The following PHF19 variants were observed in gnomAD, a reference collection of about 807,000 sequenced individuals.
PHF19 encodes PHD finger protein 19, also known as polycomb like 3.
In PHF19, 21 loss-of-function variants were observed where a neutral mutation model predicts 79.8. The ratio of observed to expected loss-of-function variants is 0.26; its 90% CI spans 0.19 to 0.38. PHF19 has a LOEUF of 0.38. PHF19 is among the 10% of genes least tolerant of loss of function. PHF19 has a pLI of 1.00. For synonymous variants in PHF19, 273 were observed against 296.3 expected, an observed-to-expected ratio of 0.92 and a Z score of 0.81; for missense variants, 445 against 744.2, an observed-to-expected ratio of 0.60 and a Z score of 4.68.
upstream of PHF19, among the ~76,000 whole-genome samples, chr9:120,897,038 G>C (rs1175231558): frequency 1.3e-5 from 2 of 152,238 alleles, no homozygotes; most frequent in African/African-American, 4.8e-5. Flanking sequence ...AAGCCCCAGC[G>C]CTGCCACCTC....
chr9:120,861,714 C>T (rs907874103), intron 12 of PHF19, among the ~76,000 whole-genome samples: 1 of 152,092 alleles, frequency 6.6e-6, no homozygotes, highest in Non-Finnish European at 1.5e-5. Context: ...TGCCTTTGCC[C>T]CCCAACTTTG....
chr9:120,858,187 C>A lies in PHF19; in HGVS notation c.1500G>T (p.Ser500=). Residue 500 remains serine, a synonymous_variant, in exon 15 of 15, where the codon TCG becomes TCT. Transcript: ENST00000373896. The part of the protein sequence containing the change: ...WAAELDGRCP[S]DSSAEGASVP... ...CTGAAGCCCCCTCTGCACTGCTGTC[C>A]GAGGGGCAGCGTCCATCCAGCTCAG... 1 of 1,600,508 alleles carries A rather than the reference C, an allele frequency of 6.2e-7. No individual in the cohort carries two copies.
At chr9:120,883,118 G>A (rs1428294160) in intron 1 of PHF19, among the ~76,000 whole-genome samples, 1 of 152,146 alleles carries the variant, frequency 6.6e-6, no homozygotes, top group Non-Finnish European at 1.5e-5. Flanking sequence ...GCATGCCTGT[G>A]GCCTTGGTTA....
At chr9:120,884,209 CAG>C (rs1203796989) in intron 1 of PHF19, among the ~76,000 whole-genome samples, 1 of 144,670 alleles carries the variant, frequency 6.9e-6, no homozygotes, top group Non-Finnish European at 1.5e-5. Flanking sequence ...ATGATTAAAA[CAG>C]TGTGATCATA....
At chr9:120,885,414 C>A (rs1402118026) in intron 1 of PHF19, among the ~76,000 whole-genome samples, 2 of 152,012 alleles carry the variant, frequency 1.3e-5, no homozygotes, top group Non-Finnish European at 1.5e-5. Context: ...CTCGTCTCTA[C>A]TAAAAGTACA....
In PHF19 at chr9:120,860,867, A is replaced by C. The variant is rs2045500297; in HGVS notation, c.1304+222T>G. ...CAAAGATGAGCAAGCATCAAACAGC[A>C]TGGTGAGTGTGGATAACCATGGGGC... is the stretch of plus-strand genomic sequence containing the variant. On this transcript the variant is annotated intron_variant, in intron 13 of 14. Transcript: ENST00000373896. The surrounding 1 kb of genome is among the most constrained non-coding windows in gnomAD (Gnocchi z 4.1). 1 of 518,736 alleles carries C rather than the reference A, an allele frequency of 1.9e-6. No homozygotes were observed. The highest frequency in any genetic ancestry group is 3.1e-5 in the Admixed American group (1 of 31,958). 32.1% of individuals were successfully genotyped at this position (518,736 alleles called of 1,614,324 possible).
intron 1 of PHF19, among the ~76,000 whole-genome samples, chr9:120,890,635 C>G (rs1161330705): frequency 6.6e-6 from 1 of 152,136 alleles, no homozygotes; most frequent in Non-Finnish European, 1.5e-5. Flanking sequence ...TTAACACACG[C>G]AATCTTTGAT....
chr9:120,872,404 G>T (rs902351908), intron 3 of PHF19, among the ~76,000 whole-genome samples: 4 of 152,254 alleles, frequency 2.6e-5, no homozygotes, highest in African/African-American at 9.6e-5. Context: ...CCTGGTATGT[G>T]GTGGGCCTCC....
chr9:120,901,948 G>T, the PHF19 span, among the ~76,000 whole-genome samples: 13 of 152,308 alleles, frequency 8.5e-5, no homozygotes, highest in East Asian at 5.8e-4. Flanking sequence ...TGGAACCTCC[G>T]GGGGCAAGGC....
At chr9:120,890,806 G>C (rs1186698599) in intron 1 of PHF19, among the ~76,000 whole-genome samples, 1 of 152,052 alleles carries the variant, frequency 6.6e-6, no homozygotes, top group Non-Finnish European at 1.5e-5. Flanking sequence ...TCACAGGTTT[G>C]TTCATCCACA....
At position 120,863,018 on chromosome 9, in the gene PHF19, C is replaced by T. The variant is rs2045580749; in HGVS notation, c.969-269G>A. 9 of 426,104 alleles carry T rather than the reference C, an allele frequency of 2.1e-5. No homozygotes were observed. In the South Asian group the frequency reaches 2.4e-4, roughly 11 times the overall value. 26.4% of individuals were successfully genotyped at this position (426,104 alleles called of 1,614,324 possible). Reference sequence around the variant, plus strand: ...CTCCCTTTTGTTTGCCTCAACCAGCCCCAAGGCCACCTCCTGCAGGAAGCC... The same window carrying T: ...CTCCCTTTTGTTTGCCTCAACCAGCTCCAAGGCCACCTCCTGCAGGAAGCC... On this transcript the variant is annotated intron_variant, in intron 10 of 14. Coordinates refer to ENST00000373896, the MANE Select transcript of PHF19 (RefSeq NM_015651.3).
At chr9:120,895,477 A>C (rs1247260771), upstream of PHF19, among the ~76,000 whole-genome samples, 1 of 151,800 alleles carries the variant, frequency 6.6e-6, no homozygotes, top group East Asian at 1.9e-4. Context: ...AAGAAAAAAA[A>C]AAAAAGATAA....
intron 10 of PHF19, chr9:120,863,025 C>T (rs2045580823): frequency 2.4e-6 from 1 of 411,706 alleles, no homozygotes; most frequent in Admixed American, 3.8e-5. Context: ...AGCCCCAAGG[C>T]CACCTCCTGC....
At chr9:120,889,243 T>C (rs945244153) in intron 1 of PHF19, among the ~76,000 whole-genome samples, 4 of 151,976 alleles carry the variant, frequency 2.6e-5, no homozygotes, top group Non-Finnish European at 4.4e-5. Context: ...CTTGCCAACA[T>C]GGTGAAATCT....
intron 1 of PHF19, among the ~76,000 whole-genome samples, chr9:120,890,273 C>CTTTTTTTTTTTT (rs10658749): frequency 1.7e-5 from 2 of 115,412 alleles, no homozygotes; most frequent in African/African-American, 4.0e-5. Flanking sequence ...AATGAGCCTG[C>CTTTTTTTTTTTT]TTTTTTTTTT....
upstream of PHF19, among the ~76,000 whole-genome samples, chr9:120,877,909 CACACA>C (rs1438368471): frequency 6.6e-6 from 1 of 152,200 alleles, no homozygotes; most frequent in Non-Finnish European, 1.5e-5. Flanking sequence ...ACAACAGAGA[CACACA>C]ACAGAACATG....
chr9:120,878,600 G>GC (rs1414096513), upstream of PHF19, among the ~76,000 whole-genome samples: 1 of 152,136 alleles, frequency 6.6e-6, no homozygotes, highest in Middle Eastern at 3.2e-3. Context: ...GATCTGTGCA[G>GC]CCCCCCACCT....
chr9:120,883,973 C>T lies in PHF19; in HGVS notation c.43-9217G>A, dbSNP rs939969998. ...GTCTAAGCTTTGTTTCTCCCTCACT[C>T]GGTAACCTAGGATGGGTCACTTCTC... On this transcript the variant is annotated intron_variant, in intron 1 of 14. Coordinates refer to the PHF19 transcript ENST00000616568. 1.3e-4 allele frequency among the ~76,000 whole-genome samples: 20 copies of T among 152,082 alleles called. 1 individual carries two copies. Among genetic ancestry groups the T allele is most frequent in the African/African-American group, 3.6e-4 (15 of 41,372 alleles).
chr9:120,895,166 C>T (rs1233176483), upstream of PHF19, among the ~76,000 whole-genome samples: 1 of 152,184 alleles, frequency 6.6e-6, no homozygotes, highest in African/African-American at 2.4e-5. Flanking sequence ...AAGGACTCCA[C>T]GTCCAGTGCT....
Sources: allele counts gnomAD v4.1 joint callset (sites outside exome capture counted in the v4.1 genomes callset), GRCh38; gene constraint gnomAD v4.1.1; non-coding constraint Gnocchi (gnomAD v3.1); transcripts MANE v1.5; gene names NCBI Gene and HGNC (gene_info 2026-07-23, HGNC 2026-07-21).